TMEM67: variants seen among roughly 807,000 people sequenced by gnomAD.
The protein encoded by TMEM67 is meckelin.
TMEM67 carries 124 observed loss-of-function variants against 136.6 expected under a neutral mutation model. The observed-to-expected ratio is 0.91, with a 90% CI of 0.78 to 1.05. TMEM67 has a LOEUF of 1.05. Among genes scored for constraint, TMEM67 ranks in the 50% least tolerant of loss-of-function variants. TMEM67 has a pLI of 0.00. For synonymous variants in TMEM67, 364 were observed against 390.5 expected, an observed-to-expected ratio of 0.93 and a Z score of 0.80; for missense variants, 1,107 against 1,178.4, an observed-to-expected ratio of 0.94 and a Z score of 0.89.
intron 11 of TMEM67, among the ~76,000 whole-genome samples, chr8:93,784,318 A>G (rs1813998040): frequency 6.6e-6 from 1 of 152,230 alleles, no homozygotes; most frequent in Non-Finnish European, 1.5e-5. Context: ...CATTTGATTC[A>G]TAAAATAACT....
intron 11 of TMEM67, among the ~76,000 whole-genome samples, chr8:93,783,538 A>AT (rs1813946824): frequency 6.6e-6 from 1 of 152,086 alleles, no homozygotes; most frequent in African/African-American, 2.4e-5. Flanking sequence ...TTTGATACCT[A>AT]TTTTGAAATT....
intron 20 of TMEM67, among the ~76,000 whole-genome samples, chr8:93,797,930 C>T (rs1430646782): frequency 2.6e-5 from 4 of 152,142 alleles, no homozygotes; most frequent in East Asian, 1.9e-4. Context: ...TACAGTGAGC[C>T]GAGATTGCAC....
rs116705535 is a variant in TMEM67, at chr8:93,763,959, G to A, written c.506+18G>A. Reference sequence around the variant, plus strand: ...GGAGACAGGTAAGCAGTGTGATGGGGGCTAACTTCATTAATATCATCTTAT... The same window carrying A: ...GGAGACAGGTAAGCAGTGTGATGGGAGCTAACTTCATTAATATCATCTTAT... On this transcript the variant is annotated intron_variant, in intron 4 of 27. Coordinates refer to ENST00000453321, the MANE Select transcript of TMEM67 (RefSeq NM_153704.6). 1 of 1,445,574 alleles carries A rather than the reference G, an allele frequency of 6.9e-7. No individual in the cohort carries two copies. 89.5% of individuals were successfully genotyped at this position (1,445,574 alleles called of 1,614,324 possible).
chr8:93,776,467 A>AGTAT (rs1813546300), intron 7 of TMEM67, among the ~76,000 whole-genome samples: 2 of 152,232 alleles, frequency 1.3e-5, no homozygotes, highest in Non-Finnish European at 2.9e-5. Flanking sequence ...TTGCCCATTC[A>AGTAT]GTATGATATT....
At chr8:93,791,919 T>C (rs1220533713) in intron 15 of TMEM67, 1 of 154,152 alleles carries the variant, frequency 6.5e-6, no homozygotes, top group Non-Finnish European at 1.4e-5. Flanking sequence ...TGGAGTGCAA[T>C]GGCACGATCT....
the TMEM67 span, among the ~76,000 whole-genome samples, chr8:93,829,382 C>CTCTCTG: frequency 4.4e-5 from 6 of 137,598 alleles, no homozygotes; most frequent in African/African-American, 1.7e-4. Flanking sequence ...CTCTCTCTCT[C>CTCTCTG]TGTGTGTGTG....
At chr8:93,782,864 C>T (rs146415662) in intron 11 of TMEM67, among the ~76,000 whole-genome samples, 2,785 of 152,040 alleles carry the variant, frequency 0.018, 86 homozygotes, top group African/African-American at 0.061. Context: ...CATGAGCCAC[C>T]GTGCCTGGCC....
At chr8:93,815,799 A>G (rs569790958) in intron 27 of TMEM67, among the ~76,000 whole-genome samples, 28 of 151,266 alleles carry the variant, frequency 1.9e-4, no homozygotes, top group East Asian at 3.9e-4. Context: ...AAAAACAAGC[A>G]CTGGAGAGCT....
At chr8:93,830,714 T>G in the TMEM67 span, among the ~76,000 whole-genome samples, 1 of 152,246 alleles carries the variant, frequency 6.6e-6, no homozygotes, top group African/African-American at 2.4e-5. Context: ...ACCCTCCCTC[T>G]GGGTTCACCC....
At chr8:93,789,666 AT>A (rs1221235684) in intron 14 of TMEM67, among the ~76,000 whole-genome samples, 1 of 28,650 alleles carries the variant, frequency 3.5e-5, no homozygotes, top group Admixed American at 4.7e-4. Flanking sequence ...ATATATATAT[AT>A]ATATTTTTTT....
chr8:93,822,305 CA>C (rs376406356), downstream of TMEM67, among the ~76,000 whole-genome samples: 19 of 152,304 alleles, frequency 1.2e-4, no homozygotes, highest in East Asian at 3.7e-3. Flanking sequence ...ACAAAACCAA[CA>C]AAATGGCTAA....
At chr8:93,811,838 C>CA (rs1302997184) in intron 26 of TMEM67, among the ~76,000 whole-genome samples, 30 of 149,986 alleles carry the variant, frequency 2.0e-4, no homozygotes, top group Admixed American at 6.6e-4. Flanking sequence ...GACTCCGTCT[C>CA]AAAAAAAAAG....
intron 7 of TMEM67, among the ~76,000 whole-genome samples, chr8:93,779,664 C>T (rs1813719671): frequency 6.6e-6 from 1 of 152,162 alleles, no homozygotes; most frequent in African/African-American, 2.4e-5. Flanking sequence ...GCTAGAGGTC[C>T]ACTCCAGACG....
intron 7 of TMEM67, among the ~76,000 whole-genome samples, chr8:93,774,150 G>A (rs1015461377): frequency 4.6e-5 from 7 of 151,934 alleles, no homozygotes; most frequent in East Asian, 1.9e-4. Context: ...GGGTAGCTAG[G>A]ACTACAGGGG....
chr8:93,785,594 C>T (rs1210923082), intron 12 of TMEM67: 1 of 518,022 alleles, frequency 1.9e-6, no homozygotes, highest in African/African-American at 1.9e-5. Flanking sequence ...AGAAATTATA[C>T]TGTTGCTGAG....
chr8:93,771,854 A>G (rs776584297), intron 6 of TMEM67, among the ~76,000 whole-genome samples: 2 of 152,218 alleles, frequency 1.3e-5, no homozygotes, highest in Non-Finnish European at 2.9e-5. Context: ...ATACACAAAT[A>G]GTACCTCATA....
At chr8:93,796,830 A>G (rs1814641977) in intron 18 of TMEM67, among the ~76,000 whole-genome samples, 1 of 152,196 alleles carries the variant, frequency 6.6e-6, no homozygotes, top group African/African-American at 2.4e-5. Flanking sequence ...GAAAGAGTCA[A>G]TTATATAAGT....
In TMEM67 at chr8:93,787,853, T is replaced by C. The variant is rs1443190042; in HGVS notation, c.1422T>C (p.Leu474=). The C allele has an allele frequency of 1.2e-6, 2 of 1,613,048 alleles. No homozygotes were observed. The highest frequency in any genetic ancestry group is 1.1e-5 in the South Asian group (1 of 91,072). ...ATTTTCTTTTAAATAGTGTCCACCT[T>C]GTACCCAACACAATAAATGGAAACA... ...VATQISLSVH[L]VPNTINGNIY... The change falls in exon 14 of 28, where the codon CTT becomes CTC. Residue 474 remains leucine (L), a synonymous_variant. Coordinates refer to ENST00000453321, the MANE Select transcript of TMEM67 (RefSeq NM_153704.6).
chr8:93,781,847 C>T (rs1813846464), intron 10 of TMEM67, 103 bp downstream of exon 10: 1 of 577,950 alleles, frequency 1.7e-6, no homozygotes, highest in Non-Finnish European at 3.0e-6. Flanking sequence ...CAGTTACATA[C>T]TACAGTTGAT....
Sources: allele counts gnomAD v4.1 joint callset (sites outside exome capture counted in the v4.1 genomes callset), GRCh38; gene constraint gnomAD v4.1.1; transcripts MANE v1.5; gene names NCBI Gene and HGNC (gene_info 2026-07-23, HGNC 2026-07-21).